The following NEURL1 variants were observed in gnomAD, a reference collection of about 807,000 sequenced individuals.
The protein encoded by NEURL1 is E3 ubiquitin-protein ligase NEURL1.
In NEURL1, 26 loss-of-function variants were observed where a neutral mutation model predicts 41.2. The ratio of observed to expected loss-of-function variants is 0.63; its 90% CI spans 0.46 to 0.87. The LOEUF (loss-of-function observed/expected upper bound fraction) is 0.87. Among genes scored for constraint, NEURL1 ranks in the 40% least tolerant of loss-of-function variants. The pLI, the probability that NEURL1 is intolerant of heterozygous loss-of-function variation, is 0.00. For missense variants in NEURL1, 761 were observed against 871.1 expected, an observed-to-expected ratio of 0.87 and a Z score of 1.59; for synonymous variants, 400 against 402.3, an observed-to-expected ratio of 0.99 and a Z score of 0.07.
At chr10:103,570,608 G>C (rs545746970) in intron 1 of NEURL1, among the ~76,000 whole-genome samples, 5 of 145,766 alleles carry the variant, frequency 3.4e-5, no homozygotes, top group South Asian at 4.8e-4. Flanking sequence ...GAGGAGGTGG[G>C]AGAGGGTGGG....
intron 1 of NEURL1, among the ~76,000 whole-genome samples, chr10:103,544,801 G>T (rs2034893430): frequency 6.6e-6 from 1 of 152,162 alleles, no homozygotes; most frequent in South Asian, 2.1e-4. Flanking sequence ...CTATTTGCCT[G>T]CTGGTGGAGC....
rs202175728 is a variant in NEURL1 at position 103,504,676 on chromosome 10, T to TG, written c.85+10211dup. Among the ~76,000 whole-genome samples the TG allele has an allele frequency of 2.6e-5, 4 of 152,200 alleles. No individual in the cohort carries two copies. In the South Asian group the frequency reaches 6.2e-4, roughly 24 times the overall value. ...CTGTGTGCAGCCCACACTTAAGCGGTGGGGGGGTTACGCTCCACAGGGGTG... is the reference window on the plus strand; with the variant it reads ...CTGTGTGCAGCCCACACTTAAGCGGTGGGGGGGGTTACGCTCCACAGGGGTG... On this transcript the variant is annotated intron_variant, in intron 1 of 5. Coordinates refer to ENST00000369780, the MANE Select transcript of NEURL1 (RefSeq NM_004210.5).
chr10:103,539,972 G>A (rs1307502582), intron 1 of NEURL1, among the ~76,000 whole-genome samples: 1 of 152,236 alleles, frequency 6.6e-6, no homozygotes, highest in African/African-American at 2.4e-5. Flanking sequence ...ACCTTGCAAT[G>A]TTATGTGGAA....
intron 4 of NEURL1, 40 bp from the exon 5 acceptor site, chr10:103,589,474 C>T: frequency 1.3e-6 from 2 of 1,546,860 alleles, no homozygotes; most frequent in African/African-American, 1.4e-5. Context: ...TTGGCCTGGG[C>T]AGGCAGCTAG....
At chr10:103,515,990 G>T (rs1028439550) in intron 1 of NEURL1, among the ~76,000 whole-genome samples, 6 of 152,142 alleles carry the variant, frequency 3.9e-5, no homozygotes, top group African/African-American at 1.4e-4. Context: ...CACTTTGGGA[G>T]GCCAAGGCAG....
At chr10:103,546,791 C>T (rs1007316890) in intron 1 of NEURL1, among the ~76,000 whole-genome samples, 1 of 152,226 alleles carries the variant, frequency 6.6e-6, no homozygotes, top group Non-Finnish European at 1.5e-5. Flanking sequence ...GGGCTAAAGC[C>T]CCTTCAGGGG....
At chr10:103,549,417 C>T (rs1263696009) in intron 1 of NEURL1, among the ~76,000 whole-genome samples, 2 of 152,210 alleles carry the variant, frequency 1.3e-5, no homozygotes, top group Non-Finnish European at 2.9e-5. Context: ...TCTCTGAGTA[C>T]TTTTGCTCTC....
chr10:103,497,186 G>T (rs1358587976), intron 1 of NEURL1, among the ~76,000 whole-genome samples: 2 of 152,176 alleles, frequency 1.3e-5, no homozygotes, highest in African/African-American at 4.8e-5. Flanking sequence ...ATTGTTTAGT[G>T]TTTATTCCCA....
chr10:103,548,025 G>T (rs1470812319), intron 1 of NEURL1, among the ~76,000 whole-genome samples: 5 of 152,080 alleles, frequency 3.3e-5, no homozygotes, highest in Admixed American at 3.3e-4. Context: ...CAAATCTTAT[G>T]TATTCAGACC....
chr10:103,507,454 C>T (rs986809760), intron 1 of NEURL1, among the ~76,000 whole-genome samples: 3 of 152,060 alleles, frequency 2.0e-5, no homozygotes, highest in Admixed American at 1.3e-4. Flanking sequence ...GTTGGGCAGG[C>T]GAGCAGATTG....
chr10:103,567,194 G>A (rs2035443866), intron 1 of NEURL1, among the ~76,000 whole-genome samples: 1 of 151,914 alleles, frequency 6.6e-6, no homozygotes, highest in African/African-American at 2.4e-5. Context: ...GTGTTGGCCA[G>A]GCTGGTCTCG....
intron 1 of NEURL1, among the ~76,000 whole-genome samples, chr10:103,495,184 C>T (rs761249265): frequency 1.3e-5 from 2 of 152,160 alleles, no homozygotes; most frequent in Non-Finnish European, 2.9e-5. Context: ...TCGGAGCCTG[C>T]CATTCCTGTC....
intron 1 of NEURL1, among the ~76,000 whole-genome samples, chr10:103,552,143 TTGC>T (rs2035044410): frequency 6.6e-6 from 1 of 152,136 alleles, no homozygotes; most frequent in African/African-American, 2.4e-5. Flanking sequence ...ATGCGGGATG[TTGC>T]TGCTGCTGCT....
chr10:103,585,832 CAAAA>C (rs764619225), intron 4 of NEURL1, among the ~76,000 whole-genome samples: 1 of 91,504 alleles, frequency 1.1e-5, no homozygotes, highest in Admixed American at 1.1e-4. Flanking sequence ...GACTCCGTCT[CAAAA>C]AAAAAAAAAA....
Position 103,547,660 on chromosome 10 carries a change from G to A in NEURL1, c.86-23212G>A, listed in dbSNP as rs139454156. On this transcript the variant is annotated intron_variant, in intron 1 of 5. Coordinates refer to ENST00000369780, the MANE Select transcript of NEURL1 (RefSeq NM_004210.5). Reference sequence around the variant, plus strand: ...ACAAGAAGGAGTGGGCACCAGGAGCGTAGGCTGAGCCGTGGGGCTAAAGTT... The same window carrying A: ...ACAAGAAGGAGTGGGCACCAGGAGCATAGGCTGAGCCGTGGGGCTAAAGTT... 1.6e-3 allele frequency among the ~76,000 whole-genome samples: 244 copies of A among 152,354 alleles called. 1 individual carries two copies. The highest frequency in any genetic ancestry group is 5.6e-3 in the African/African-American group (231 of 41,580).
At chr10:103,539,841 A>G (rs2034780162) in intron 1 of NEURL1, among the ~76,000 whole-genome samples, 1 of 152,234 alleles carries the variant, frequency 6.6e-6, no homozygotes, top group African/African-American at 2.4e-5. Context: ...AGGCTCCTTT[A>G]AAGAGGGGCA....
chr10:103,580,747 G>A (rs2035768638), intron 3 of NEURL1, among the ~76,000 whole-genome samples: 1 of 152,150 alleles, frequency 6.6e-6, no homozygotes, highest in South Asian at 2.1e-4. Context: ...CTGGCCCTAG[G>A]GATTCGTTCC....
chr10:103,502,353 C>G (rs965962430), intron 1 of NEURL1, among the ~76,000 whole-genome samples: 1 of 152,168 alleles, frequency 6.6e-6, no homozygotes, highest in Non-Finnish European at 1.5e-5. Context: ...GGCTGGAAGT[C>G]TGAGATCAAG....
chr10:103,494,484 G>GA lies in NEURL1; in HGVS notation c.85+12_85+13insA. 6.5e-7 allele frequency: 1 copy of GA among 1,545,490 alleles called. No homozygotes were observed. Among genetic ancestry groups the GA allele is most frequent in the East Asian group, 2.5e-5 (1 of 39,412 alleles). ...CCAGAACCTCAAAGGTAGGCTCCCC[G>GA]GCCGAGCGCTGCTGGAGGACTGGGG... On this transcript the variant is annotated intron_variant, in intron 1 of 5. Transcript: ENST00000369780.
Sources: allele counts gnomAD v4.1 joint callset (sites outside exome capture counted in the v4.1 genomes callset), GRCh38; gene constraint gnomAD v4.1.1; transcripts MANE v1.5; gene names NCBI Gene and HGNC (gene_info 2026-07-23, HGNC 2026-07-21).